Variants in MRPL33 observed in about 807,000 individuals in gnomAD.
MRPL33 encodes large ribosomal subunit protein bL33m.
A neutral mutation model predicts 10.1 loss-of-function variants in MRPL33; 5 were observed. The observed-to-expected ratio is 0.49, with a 90% confidence interval of 0.26 to 1.04. The LOEUF is 1.04. Ranked by LOEUF, MRPL33 falls within the 50% of genes least tolerant of loss-of-function variation. The pLI is 0.14. For missense variants in MRPL33, 79 were observed against 78.1 expected (o/e 1.01, Z -0.04); for synonymous variants, 24 against 27.7 (o/e 0.87, Z 0.42).
At chr2:27,774,332 C>G in intron 2 of MRPL33, 92 bp from the exon 3 acceptor site, 1 of 987,204 alleles carries the variant, frequency 1.0e-6, no homozygotes. Flanking sequence ...ACTAATATTA[C>G]CCTACAGAGT....
chr2:27,774,428 A>G lies in MRPL33; in HGVS notation c.46A>G (p.Ile16Val), dbSNP rs1677110321. The change falls in exon 3 of 4, where the codon ATT becomes GTT. Residue 16 changes from isoleucine to valine, a missense_variant. Transcript: ENST00000296102. ...CAGCGTACTTTTTAATCTTAGAAACATTCTGGTGAGAATGGTGAGCGAAGC... is the reference window on the plus strand; with the variant it reads ...CAGCGTACTTTTTAATCTTAGAAACGTTCTGGTGAGAATGGTGAGCGAAGC... ...VFFAKSKSKN[I>V]LVRMVSEAGT... 1.2e-6 allele frequency: 2 copies of G among 1,613,720 alleles called. No homozygotes were observed. Among genetic ancestry groups the G allele is most frequent in the Non-Finnish European group, 1.7e-6 (2 of 1,179,756 alleles).
intron 2 of MRPL33, among the ~76,000 whole-genome samples, chr2:27,774,147 G>C (rs1677103050): frequency 6.6e-6 from 1 of 152,170 alleles, no homozygotes; most frequent in Non-Finnish European, 1.5e-5. Context: ...AAGGGTGGAT[G>C]TCTGAGGCTA....
intron 1 of MRPL33, chr2:27,772,140 A>G: frequency 5.8e-6 from 2 of 347,634 alleles, no homozygotes; most frequent in Non-Finnish European, 1.0e-5. Context: ...CGAACTCTAA[A>G]AATAAGGAAA....
intron 1 of MRPL33, 69 bp downstream of exon 1, chr2:27,771,868 G>C (rs963215579): frequency 6.8e-7 from 1 of 1,465,380 alleles, no homozygotes; most frequent in Non-Finnish European, 9.5e-7. Flanking sequence ...GCAGGGCCCC[G>C]GAATGATGCG....
rs777018782 is a variant in MRPL33, at chr2:27,774,514, G to C, written c.132G>C (p.Leu44Phe). The change falls in exon 3 of 4, where the codon TTG becomes TTC. Residue 44 changes from leucine (L) to phenylalanine (F), a missense_variant. By Grantham distance (22) the Leu-to-Phe change is conservative (BLOSUM62 0). Coordinates refer to ENST00000296102, the MANE Select transcript of MRPL33 (RefSeq NM_004891.4). ...GACTGCGGGAAAAACTGACTCTTTT[G>C]CATTATGATCCAGTTGGTAAGATCT... ...RNRLREKLTL[L>F]HYDPVVKQRV... is the part of the protein sequence containing the mutation. 1.3e-5 allele frequency: 21 copies of C among 1,613,866 alleles called. No homozygotes were observed. Among genetic ancestry groups the C allele is most frequent in the Admixed American group, 3.3e-5 (2 of 60,002 alleles).
chr2:27,772,543 T>G (rs1293742094), intron 1 of MRPL33, 131 bp from the exon 2 acceptor site: 15 of 675,002 alleles, frequency 2.2e-5, no homozygotes, highest in Non-Finnish European at 3.7e-5. Flanking sequence ...GTTACTTGAG[T>G]GACACCTCAT....
At chr2:27,778,111 CT>C (rs1677210446) in intron 3 of MRPL33, among the ~76,000 whole-genome samples, 1 of 152,140 alleles carries the variant, frequency 6.6e-6, no homozygotes, top group Non-Finnish European at 1.5e-5. Context: ...GTTAATGATT[CT>C]TAAATTCAGC....
intron 2 of MRPL33, 118 bp from the exon 3 acceptor site, chr2:27,774,306 C>T (rs1573023551): frequency 1.3e-6 from 1 of 790,850 alleles, no homozygotes; most frequent in East Asian, 2.5e-5. Context: ...CTTTTAGGGC[C>T]AAGTGATATC....
chr2:27,779,058 C>T (rs760232195), intron 3 of MRPL33, among the ~76,000 whole-genome samples: 36 of 152,252 alleles, frequency 2.4e-4, no homozygotes, highest in Non-Finnish European at 4.6e-4. Context: ...GTTCTTGCTG[C>T]TCTCTTTCTG....
At chr2:27,776,644 A>G (rs960755996) in intron 3 of MRPL33, among the ~76,000 whole-genome samples, 2 of 152,258 alleles carry the variant, frequency 1.3e-5, no homozygotes, top group Non-Finnish European at 2.9e-5. Context: ...TCTTAAATAT[A>G]TTGAAGGTTT....
chr2:27,776,720 T>G (rs753692353), intron 3 of MRPL33, among the ~76,000 whole-genome samples: 7 of 152,252 alleles, frequency 4.6e-5, no homozygotes, highest in African/African-American at 1.7e-4. Context: ...CAATATAGAC[T>G]GTAATTGAAG....
At chr2:27,778,647 C>T (rs1233350960) in intron 3 of MRPL33, among the ~76,000 whole-genome samples, 7 of 151,962 alleles carry the variant, frequency 4.6e-5, no homozygotes, top group African/African-American at 1.7e-4. Flanking sequence ...CTCTGCCTCC[C>T]GGGTTCAAGT....
At position 27,779,529 on chromosome 2, in the gene MRPL33, C is replaced by G; in HGVS notation, c.*47C>G. On this transcript the variant is annotated 3_prime_UTR_variant, in exon 4 of 4. Coordinates refer to ENST00000296102, the MANE Select transcript of MRPL33 (RefSeq NM_004891.4). ...TGATTTATAAAGAGAAGACTGAGGG[C>G]GGGGATACTGATTCAGAAATCCTGT... 1 of 1,611,058 alleles carries G rather than the reference C, an allele frequency of 6.2e-7. No homozygotes were observed. The highest frequency in any genetic ancestry group is 8.5e-7 in the Non-Finnish European group (1 of 1,178,966).
In MRPL33 at chr2:27,771,919, A is replaced by T. The variant is rs1052212433; in HGVS notation, c.22+120A>T. 2.8e-6 allele frequency: 3 copies of T among 1,075,990 alleles called. No individual in the cohort carries two copies. In the African/African-American group the frequency reaches 4.7e-5, roughly 17 times the overall value. The allele number at this position is 1,075,990 out of a possible 1,614,324, so 66.7% of individuals were successfully genotyped here. On this transcript the variant is annotated intron_variant, in intron 1 of 3. Transcript: ENST00000296102. ...ACAGGACGGGAAGCTGCAGCTGCGTACTTTTCCAGGCCTTCAGGACCACAG... is the reference window on the plus strand; with the variant it reads ...ACAGGACGGGAAGCTGCAGCTGCGTTCTTTTCCAGGCCTTCAGGACCACAG...
chr2:27,777,844 AC>A (rs1558528789), intron 3 of MRPL33, among the ~76,000 whole-genome samples: 1 of 151,750 alleles, frequency 6.6e-6, no homozygotes, highest in Non-Finnish European at 1.5e-5. Context: ...CAGTGAGACA[AC>A]CCCCCTACCC....
At chr2:27,774,643 A>C (rs1329619279) in intron 3 of MRPL33, 113 bp downstream of exon 3, 8 of 765,982 alleles carry the variant, frequency 1.0e-5, no homozygotes, top group Middle Eastern at 3.1e-4. Flanking sequence ...TCATTTAGTA[A>C]ATAGGTATTG....
In MRPL33 at chr2:27,779,729, A is replaced by G; in HGVS notation, c.*247A>G. ...TTATAGCCCTTAATAAAAAATATTA[A>G]AATAGCCTGTGCTATTGTGTCTTAG... On this transcript the variant is annotated 3_prime_UTR_variant, in exon 4 of 4. Transcript: ENST00000296102. The G allele has an allele frequency of 1.7e-6, 1 of 589,492 alleles. No homozygotes were observed. The highest frequency in any genetic ancestry group is 3.6e-5 in the East Asian group (1 of 27,876). The allele number at this position is 589,492 out of a possible 1,614,324, so 36.5% of individuals were successfully genotyped here. A position where few individuals can be genotyped will look rare whatever the true frequency, so the allele number is the denominator to read the frequency against.
Position 27,779,638 on chromosome 2 carries a change from G to C in MRPL33, c.*156G>C. 7.5e-6 allele frequency: 11 copies of C among 1,458,440 alleles called. No homozygotes were observed. Among genetic ancestry groups the C allele is most frequent in the Non-Finnish European group, 1.0e-5 (11 of 1,083,878 alleles). 90.3% of individuals were successfully genotyped at this position (1,458,440 alleles called of 1,614,324 possible). On this transcript the variant is annotated 3_prime_UTR_variant, in exon 4 of 4. Transcript: ENST00000296102. ...CCATTGTGAAGGAAAACAATGCAGT[G>C]AAAGAAAGTTCTTCATATTAGGACA...
chr2:27,774,316 C>T, intron 2 of MRPL33, 108 bp from the exon 3 acceptor site: 1 of 871,118 alleles, frequency 1.1e-6, no homozygotes, highest in Non-Finnish European at 1.9e-6. Context: ...CAAGTGATAT[C>T]TCACAACTAA....
Sources: allele counts gnomAD v4.1 joint callset (sites outside exome capture counted in the v4.1 genomes callset), GRCh38; gene constraint gnomAD v4.1.1; transcripts MANE v1.5; gene names NCBI Gene and HGNC (gene_info 2026-07-23, HGNC 2026-07-21).